Variants in PIEZO2 observed in about 807,000 individuals in gnomAD.
PIEZO2 encodes piezo-type mechanosensitive ion channel component 2.
A neutral mutation model predicts 337.3 loss-of-function variants in PIEZO2; 172 were observed. The ratio of observed to expected loss-of-function variants is 0.51; its 90% confidence interval spans 0.45 to 0.58. The LOEUF is 0.58. Ranked by LOEUF, PIEZO2 falls within the 20% of genes least tolerant of loss-of-function variation. The pLI, the probability that PIEZO2 is intolerant of heterozygous loss-of-function variation, is 0.00. For missense variants in PIEZO2, 3,028 were observed against 3,391.3 expected, an observed-to-expected ratio of 0.89 and a Z score of 2.66; for synonymous variants, 1,251 against 1,228.5, an observed-to-expected ratio of 1.02 and a Z score of -0.38.
In PIEZO2 at chr18:11,009,348, T is replaced by C. The variant is rs1273950055; in HGVS notation, c.161-29688A>G. 6.6e-6 allele frequency among the ~76,000 whole-genome samples: 1 copy of C among 152,196 alleles called. No individual in the cohort carries two copies. Among genetic ancestry groups the C allele is most frequent in the Non-Finnish European group, 1.5e-5 (1 of 68,024 alleles). On this transcript the variant is annotated intron_variant, in intron 2 of 55. Coordinates refer to ENST00000674853, the MANE Select transcript of PIEZO2 (RefSeq NM_001378183.1). The surrounding 1 kb of genome is among the most constrained non-coding windows in gnomAD (Gnocchi z 4.6). ...GTCCAGACTCCACCCCTGGAAGTTC[T>C]GACCTCATTTTTCTGGGGTGGGGGC...
At chr18:11,020,724 A>G (rs573652144) in intron 2 of PIEZO2, among the ~76,000 whole-genome samples, 1 of 152,282 alleles carries the variant, frequency 6.6e-6, no homozygotes, top group East Asian at 1.9e-4. Flanking sequence ...TCACAAAGTG[A>G]GCTCTTTATT....
Position 10,863,183 on chromosome 18 carries a change from C to T in PIEZO2, c.493-5972G>A, listed in dbSNP as rs575038290. The stretch of plus-strand genomic sequence containing the variant: ...TTATCTTAACAGAATGGGTTCATCT[C>T]AATACAAGAGCCAGAGGAAGGAAAA... On this transcript the variant is annotated intron_variant, in intron 5 of 55. Transcript: ENST00000674853. This position sits in a 1 kb window ranked among gnomAD's most constrained non-coding sequence, Gnocchi z 4.3. Among the ~76,000 whole-genome samples the T allele has an allele frequency of 2.0e-4, 30 of 152,192 alleles. No homozygotes were observed. In the South Asian group the frequency reaches 3.7e-3, roughly 19 times the overall value.
At position 10,682,352 on chromosome 18, in the gene PIEZO2, C is replaced by A. The variant is rs146594230; in HGVS notation, c.7498-60G>T. On this transcript the variant is annotated intron_variant, in intron 49 of 55. Coordinates refer to ENST00000674853, the MANE Select transcript of PIEZO2 (RefSeq NM_001378183.1). This position sits in a 1 kb window ranked among gnomAD's most constrained non-coding sequence, Gnocchi z 5.6. ...GGCTCAGGTGCTTTCCCGCAGGCAG[C>A]GGGATTGGGGGAGAGCGAGTGCTCT... is the stretch of plus-strand genomic sequence containing the variant. The A allele has an allele frequency of 3.2e-4, 466 of 1,434,498 alleles. 1 individual carries two copies. Among genetic ancestry groups the A allele is most frequent in the Non-Finnish European group, 9.2e-5 (99 of 1,071,470 alleles). The allele number at this position is 1,434,498 out of a possible 1,614,324, so 88.9% of individuals were successfully genotyped here. A position where few individuals can be genotyped will look rare whatever the true frequency, so the allele number is the denominator to read the frequency against.
chr18:10,780,388 C>G (rs1412572633), intron 17 of PIEZO2, 22 bp from the exon 18 acceptor site: 1 of 702,884 alleles, frequency 1.4e-6, no homozygotes, highest in Non-Finnish European at 2.6e-6. Flanking sequence ...CAGACGGAAG[C>G]ACAGGGATGC....
Position 11,127,744 on chromosome 18 carries a change from T to A in PIEZO2, c.64+20781A>T, listed in dbSNP as rs565289067. Among the ~76,000 whole-genome samples, 1 of 151,332 alleles carries A rather than the reference T, an allele frequency of 6.6e-6. No individual in the cohort carries two copies. The highest frequency in any genetic ancestry group is 1.5e-5 in the Non-Finnish European group (1 of 67,928). On this transcript the variant is annotated intron_variant, in intron 1 of 55. Transcript: ENST00000674853. This position sits in a 1 kb window ranked among gnomAD's most constrained non-coding sequence, Gnocchi z 4.5. ...ATACACACATATATATGTATGTGTA[T>A]ATATATGACATATATAGGTATATAT...
In PIEZO2 at chr18:10,704,405, C is replaced by T. The variant is rs780925886; in HGVS notation, c.6247G>A (p.Val2083Ile). ...PSRRFWMMAI[V>I]YTEVAIVVKY... ...GCGTCCAGGCCTACCTCAGTATAGA[C>T]GATGGCCATCATCCAGAACCGGCGG... Residue 2083 changes from valine to isoleucine, a missense_variant, in exon 42 of 56, where the codon GTC becomes ATC. Around this residue, in one of 5 missense-constraint regions of PIEZO2, gnomAD observed 1,925 missense variants for 2,051.9 expected, o/e 0.94. Transcript: ENST00000674853. The T allele has an allele frequency of 5.3e-5, 81 of 1,537,138 alleles. No individual in the cohort carries two copies. Among genetic ancestry groups the T allele is most frequent in the African/African-American group, 8.2e-5 (6 of 73,138 alleles).
chr18:10,986,790 T>G (rs2034891603), intron 2 of PIEZO2, among the ~76,000 whole-genome samples: 3 of 151,972 alleles, frequency 2.0e-5, no homozygotes. Flanking sequence ...TTCCTGTTTT[T>G]AGATAATATA....
At position 10,672,177 on chromosome 18, in the gene PIEZO2, G is replaced by C. The variant is rs1162880186; in HGVS notation, c.8346-398C>G. Among the ~76,000 whole-genome samples the C allele has an allele frequency of 6.6e-6, 1 of 152,046 alleles. No individual in the cohort carries two copies. The highest frequency in any genetic ancestry group is 1.5e-5 in the Non-Finnish European group (1 of 68,010). On this transcript the variant is annotated intron_variant, in intron 55 of 55. Coordinates refer to ENST00000674853, the MANE Select transcript of PIEZO2 (RefSeq NM_001378183.1). This position sits in a 1 kb window ranked among gnomAD's most constrained non-coding sequence, Gnocchi z 4.7. ...AGGCTCCTTTCCTTTTAGCAATACT[G>C]TCTCTCAGATTAATTTTTATAAAAT...
chr18:10,902,846 A>G (rs956918256), intron 4 of PIEZO2, among the ~76,000 whole-genome samples: 2 of 152,176 alleles, frequency 1.3e-5, no homozygotes, highest in Non-Finnish European at 2.9e-5. Context: ...TGGAGAAGAG[A>G]TAGAAGACAA....
chr18:10,840,561 G>A (rs1040295765), intron 7 of PIEZO2, among the ~76,000 whole-genome samples: 24 of 151,890 alleles, frequency 1.6e-4, no homozygotes, highest in Admixed American at 6.6e-4. Flanking sequence ...TTGAATAATA[G>A]GTGAGAAAAA....
chr18:11,133,624 C>T (rs1434785883), intron 1 of PIEZO2, among the ~76,000 whole-genome samples: 1 of 152,120 alleles, frequency 6.6e-6, no homozygotes, highest in Non-Finnish European at 1.5e-5. Context: ...ATGGGCCTAA[C>T]TTCCCAGTCT....
chr18:10,807,423 C>T (rs1025900671), intron 7 of PIEZO2, 149 bp from the exon 8 acceptor site: 18 of 649,608 alleles, frequency 2.8e-5, no homozygotes, highest in South Asian at 1.4e-4. Flanking sequence ...CTTCTGTATA[C>T]GTAATTACAT....
chr18:10,910,527 G>A (rs1449539728), intron 4 of PIEZO2, among the ~76,000 whole-genome samples: 2 of 152,042 alleles, frequency 1.3e-5, no homozygotes, highest in Non-Finnish European at 2.9e-5. Flanking sequence ...AGGTTGCAGT[G>A]AGCCGAGATC....
Position 10,900,079 on chromosome 18 carries a change from T to C in PIEZO2, c.329+11107A>G, listed in dbSNP as rs935937279. ...ACCAAACACTTATTAAATTATGTCA[T>C]TATGCTTGAATAAAGGAAGGTAAAG... is the stretch of plus-strand genomic sequence containing the variant. On this transcript the variant is annotated intron_variant, in intron 4 of 55. Coordinates refer to ENST00000674853, the MANE Select transcript of PIEZO2 (RefSeq NM_001378183.1). 3.3e-5 allele frequency among the ~76,000 whole-genome samples: 5 copies of C among 152,074 alleles called. No individual in the cohort carries two copies. The East Asian group carries it at 5.8e-4, about 18-fold the overall frequency.
intron 35 of PIEZO2, among the ~76,000 whole-genome samples, chr18:10,733,609 C>T (rs550208547): frequency 1.4e-3 from 214 of 152,154 alleles, no homozygotes; most frequent in Non-Finnish European, 2.5e-3. Context: ...CCACCACGCC[C>T]GGCTAATTTT....
At chr18:10,817,662 G>A (rs1425288354) in intron 7 of PIEZO2, among the ~76,000 whole-genome samples, 4 of 152,140 alleles carry the variant, frequency 2.6e-5, no homozygotes, top group Non-Finnish European at 5.9e-5. Context: ...GGTGGCTCAC[G>A]CCTGTAATCC....
At position 10,697,738 on chromosome 18, in the gene PIEZO2, A is replaced by T; in HGVS notation, c.6827+10T>A. On this transcript the variant is annotated intron_variant, in intron 45 of 55. Transcript: ENST00000674853. ...TAAAGCACACATGCCATATGTTCTCATGGACTCACTTCTTTATGGTAAAGG... is the reference window on the plus strand; with the variant it reads ...TAAAGCACACATGCCATATGTTCTCTTGGACTCACTTCTTTATGGTAAAGG... 6.2e-7 allele frequency: 1 copy of T among 1,612,998 alleles called. No homozygotes were observed. Among genetic ancestry groups the T allele is most frequent in the Non-Finnish European group, 8.5e-7 (1 of 1,179,858 alleles).
intron 4 of PIEZO2, among the ~76,000 whole-genome samples, chr18:10,885,308 T>C (rs1037213249): frequency 3.3e-5 from 5 of 151,966 alleles, no homozygotes; most frequent in African/African-American, 4.8e-5. Flanking sequence ...CCTGTAGTCC[T>C]AGCTACTCAG....
rs1322496810 is a variant in PIEZO2 at position 11,128,931 on chromosome 18, T to G, written c.64+19594A>C. Among the ~76,000 whole-genome samples the G allele has an allele frequency of 6.6e-6, 1 of 152,168 alleles. No homozygotes were observed. Among genetic ancestry groups the G allele is most frequent in the Non-Finnish European group, 1.5e-5 (1 of 68,034 alleles). ...GTTGGATCAGCCTGAATTTATTGAT[T>G]TGGGTCCACTAAGTAAGGACTCAGT... On this transcript the variant is annotated intron_variant, in intron 1 of 55. Coordinates refer to ENST00000674853, the MANE Select transcript of PIEZO2 (RefSeq NM_001378183.1). The surrounding 1 kb of genome is among the most constrained non-coding windows in gnomAD (Gnocchi z 4.1).
Sources: allele counts gnomAD v4.1 joint callset (sites outside exome capture counted in the v4.1 genomes callset), GRCh38; gene constraint gnomAD v4.1.1; regional missense constraint gnomAD v4.1.1; non-coding constraint Gnocchi (gnomAD v3.1); transcripts MANE v1.5; gene names NCBI Gene and HGNC (gene_info 2026-07-23, HGNC 2026-07-21).